Variants in CATSPERE observed in about 807,000 individuals in gnomAD.
CATSPERE encodes the protein cation channel sperm-associated auxiliary subunit epsilon.
CATSPERE carries 93 observed loss-of-function variants against 114.1 expected under a neutral mutation model. That is an observed-to-expected ratio of 0.81 (90% CI 0.69 to 0.97). The LOEUF (loss-of-function observed/expected upper bound fraction) is 0.97. Ranked by LOEUF, CATSPERE falls within the 50% of genes least tolerant of loss-of-function variation. CATSPERE has a pLI of 0.00. For synonymous variants in CATSPERE, 341 were observed against 384.1 expected, an observed-to-expected ratio of 0.89 and a Z score of 1.31; for missense variants, 1,058 against 1,131.6, an observed-to-expected ratio of 0.93 and a Z score of 0.93.
At chr1:244,605,075 A>C (rs575154820) in intron 17 of CATSPERE, among the ~76,000 whole-genome samples, 2 of 152,182 alleles carry the variant, frequency 1.3e-5, no homozygotes, top group Non-Finnish European at 2.9e-5. Flanking sequence ...ACCTCGACTT[A>C]CTGACACCAC....
chr1:244,462,569 T>G (rs771252021), intron 1 of CATSPERE, among the ~76,000 whole-genome samples: 4 of 152,158 alleles, frequency 2.6e-5, no homozygotes, highest in Non-Finnish European at 5.9e-5. Context: ...AATTTGCCAC[T>G]TGTATTTTTC....
At chr1:244,589,552 A>T (rs1667451532) in intron 14 of CATSPERE, among the ~76,000 whole-genome samples, 2 of 152,194 alleles carry the variant, frequency 1.3e-5, no homozygotes, top group Admixed American at 1.3e-4. Flanking sequence ...CAACACTGGC[A>T]TCACCTGAGA....
At chr1:244,609,411 C>T (rs531444576) in intron 18 of CATSPERE, among the ~76,000 whole-genome samples, 9 of 150,856 alleles carry the variant, frequency 6.0e-5, no homozygotes, top group Middle Eastern at 3.4e-3. Flanking sequence ...AGTGCAGTGG[C>T]GTGATCTTGG....
chr1:244,622,564 C>T (rs1366518690), intron 20 of CATSPERE, among the ~76,000 whole-genome samples: 4 of 151,868 alleles, frequency 2.6e-5, no homozygotes, highest in South Asian at 2.1e-4. Flanking sequence ...CCACCACGCC[C>T]GGCTAATTTT....
intron 10 of CATSPERE, among the ~76,000 whole-genome samples, chr1:244,565,715 A>G (rs963061399): frequency 6.6e-6 from 1 of 151,846 alleles, no homozygotes; most frequent in African/African-American, 2.4e-5. Flanking sequence ...GATTTTTTTC[A>G]TAGATTCATA....
chr1:244,610,297 C>T lies in CATSPERE; in HGVS notation c.2461C>T (p.Leu821Phe), dbSNP rs753858642. 30 of 1,612,908 alleles carry T rather than the reference C, an allele frequency of 1.9e-5. No individual in the cohort carries two copies. The highest frequency in any genetic ancestry group is 2.5e-5 in the Non-Finnish European group (30 of 1,179,266). The stretch of plus-strand genomic sequence containing the variant: ...GTCAATGATTGAACTTAACAAGCAC[C>T]TCCCACTAGAAGAAGTCTGGGGACC... ...WKSMIELNKH[L>F]PLEEVWGPEN... Residue 821 changes from leucine to phenylalanine, a missense_variant, in exon 19 of 22, where the codon CTC (leucine) becomes TTC (phenylalanine). Physicochemically the swap from Leu to Phe is conservative, Grantham distance 22. Transcript: ENST00000366534.
intron 2 of CATSPERE, among the ~76,000 whole-genome samples, chr1:244,465,741 T>C (rs138515873): frequency 1.6e-3 from 249 of 152,360 alleles, no homozygotes; most frequent in Middle Eastern, 0.014. Flanking sequence ...ATAAGGCTGT[T>C]AGTTTTCACA....
At chr1:244,474,035 T>G (rs1668881790) in intron 2 of CATSPERE, among the ~76,000 whole-genome samples, 1 of 147,596 alleles carries the variant, frequency 6.8e-6, no homozygotes, top group South Asian at 2.1e-4. Context: ...TTTTTTTTGC[T>G]TTTTTTTTGT....
At chr1:244,507,020 C>T (rs948110899) in intron 7 of CATSPERE, among the ~76,000 whole-genome samples, 1 of 152,070 alleles carries the variant, frequency 6.6e-6, no homozygotes. Context: ...CTTTCTATGC[C>T]TGGTATATTT....
intron 7 of CATSPERE, among the ~76,000 whole-genome samples, chr1:244,506,684 G>T (rs948038169): frequency 1.3e-5 from 2 of 151,890 alleles, no homozygotes; most frequent in Non-Finnish European, 2.9e-5. Flanking sequence ...TGATATTTTG[G>T]TACCCATATA....
chr1:244,538,047 T>G (rs3003247), intron 8 of CATSPERE, among the ~76,000 whole-genome samples: 151,213 of 152,318 alleles, frequency 0.99, 75,068 homozygotes, highest in Middle Eastern at 1. Context: ...GGGAGGCCAG[T>G]CACAGTTGCT....
chr1:244,550,916 G>C (rs765615534), intron 8 of CATSPERE, among the ~76,000 whole-genome samples: 4 of 152,192 alleles, frequency 2.6e-5, no homozygotes, highest in Non-Finnish European at 4.4e-5. Flanking sequence ...GTACTTCTAA[G>C]ATATGTCAGA....
chr1:244,506,815 T>C (rs1419269399), intron 7 of CATSPERE, among the ~76,000 whole-genome samples: 1 of 152,170 alleles, frequency 6.6e-6, no homozygotes, highest in Non-Finnish European at 1.5e-5. Flanking sequence ...ATACAATAAA[T>C]GATTAAGCTT....
chr1:244,451,435 C>T (rs563961591), upstream of CATSPERE, among the ~76,000 whole-genome samples: 3 of 152,348 alleles, frequency 2.0e-5, no homozygotes, highest in South Asian at 4.1e-4. The surrounding 1 kb of genome is among the most constrained non-coding windows in gnomAD (Gnocchi z 6.6). Context: ...CCAAGTTTCA[C>T]CCGACGCTCC....
intron 7 of CATSPERE, among the ~76,000 whole-genome samples, chr1:244,517,345 T>TATATA (rs1676806474): frequency 1.3e-5 from 2 of 152,074 alleles, no homozygotes. Flanking sequence ...GAATGCTTCA[T>TATATA]TTACTCTTTC....
intron 19 of CATSPERE, among the ~76,000 whole-genome samples, chr1:244,616,877 T>C (rs1475087066): frequency 1.3e-5 from 2 of 152,210 alleles, no homozygotes; most frequent in Non-Finnish European, 2.9e-5. Context: ...TGAGAAGCTT[T>C]CAGAGAGCAA....
chr1:244,575,516 C>T lies in CATSPERE; in HGVS notation c.1950+2744C>T, dbSNP rs1166419094. Among the ~76,000 whole-genome samples the T allele has an allele frequency of 1.3e-5, 2 of 152,200 alleles. No individual in the cohort carries two copies. Among genetic ancestry groups the T allele is most frequent in the Non-Finnish European group, 2.9e-5 (2 of 68,030 alleles). ...GGACGTACCTGAGCAGCACAGAAGG[C>T]TTGGGGCTCGACAGCTGGTGGCCTG... On this transcript the variant is annotated intron_variant, in intron 11 of 21. Transcript: ENST00000366534. The surrounding 1 kb of genome is among the most constrained non-coding windows in gnomAD (Gnocchi z 4.5).
chr1:244,487,582 T>C (rs1671304265), intron 5 of CATSPERE, among the ~76,000 whole-genome samples: 1 of 152,156 alleles, frequency 6.6e-6, no homozygotes. Context: ...GGACAGCCGC[T>C]AACGTGCCTT....
Position 244,591,738 on chromosome 1 carries a change from A to G in CATSPERE, c.2189+7A>G. On this transcript the variant is annotated splice_region_variant and intron_variant, in intron 15 of 21. Coordinates refer to ENST00000366534, the MANE Select transcript of CATSPERE (RefSeq NM_001130957.2). Reference sequence around the variant, plus strand: ...TTTCATACGTGATTGAAAAGTAAGAAATTTTTTAACATAAGCACTGAGTTT... The same window carrying G: ...TTTCATACGTGATTGAAAAGTAAGAGATTTTTTAACATAAGCACTGAGTTT... 1 of 1,491,916 alleles carries G rather than the reference A, an allele frequency of 6.7e-7. No homozygotes were observed. The highest frequency in any genetic ancestry group is 1.2e-5 in the South Asian group (1 of 85,664). 92.4% of individuals were successfully genotyped at this position (1,491,916 alleles called of 1,614,324 possible). A position where few individuals can be genotyped will look rare whatever the true frequency, so the allele number is the denominator to read the frequency against.
Sources: allele counts gnomAD v4.1 joint callset (sites outside exome capture counted in the v4.1 genomes callset), GRCh38; gene constraint gnomAD v4.1.1; non-coding constraint Gnocchi (gnomAD v3.1); transcripts MANE v1.5; gene names NCBI Gene and HGNC (gene_info 2026-07-23, HGNC 2026-07-21).